THSD4: variants seen among roughly 807,000 people sequenced by gnomAD.
THSD4 encodes the protein thrombospondin type-1 domain-containing protein 4.
In THSD4, 69 loss-of-function variants were observed where a neutral mutation model predicts 119.0. That is an observed-to-expected ratio of 0.58 (90% CI 0.48 to 0.71). THSD4 has a LOEUF of 0.71. Ranked by LOEUF, THSD4 falls within the 30% of genes least tolerant of loss-of-function variation. THSD4 has a pLI of 0.00. For synonymous variants in THSD4, 524 were observed against 540.4 expected (o/e 0.97, Z 0.42); for missense variants, 1,393 against 1,391.1 (o/e 1.00, Z -0.02).
intron 3 of THSD4, among the ~76,000 whole-genome samples, chr15:71,189,398 C>T (rs1486592143): frequency 2.0e-5 from 3 of 152,192 alleles, no homozygotes; most frequent in Non-Finnish European, 4.4e-5. Flanking sequence ...TGGCTGGGTG[C>T]GGTGGCTCAC....
At chr15:71,578,680 G>A (rs774769927) in intron 7 of THSD4, among the ~76,000 whole-genome samples, 60 of 151,936 alleles carry the variant, frequency 3.9e-4, no homozygotes, top group Non-Finnish European at 7.6e-4. Context: ...GGCCTACGAC[G>A]AGCAGGTAAA....
At chr15:71,749,687 A>AT (rs58835760) in intron 14 of THSD4, among the ~76,000 whole-genome samples, 1,177 of 67,174 alleles carry the variant, frequency 0.018, 26 homozygotes, top group East Asian at 0.11. Flanking sequence ...ATATTTTTAT[A>AT]TTTTTAAATT....
intron 7 of THSD4, among the ~76,000 whole-genome samples, chr15:71,453,683 A>G (rs1448619663): frequency 6.6e-6 from 1 of 152,162 alleles, no homozygotes; most frequent in African/African-American, 2.4e-5. Context: ...TGTTCCCTGG[A>G]GGTATTGTAT....
chr15:71,676,823 A>G (rs1287189607), intron 8 of THSD4, among the ~76,000 whole-genome samples: 2 of 152,160 alleles, frequency 1.3e-5, no homozygotes, highest in Non-Finnish European at 1.5e-5. Flanking sequence ...TTTTATGTAT[A>G]TGCCACATTT....
chr15:71,138,497 C>G (rs2040570932), intron 1 of THSD4, among the ~76,000 whole-genome samples: 1 of 152,148 alleles, frequency 6.6e-6, no homozygotes, highest in Non-Finnish European at 1.5e-5. Context: ...TCTTTGACAC[C>G]TCTCTTTCTC....
intron 7 of THSD4, among the ~76,000 whole-genome samples, chr15:71,575,210 A>G (rs2049427539): frequency 6.6e-6 from 1 of 152,270 alleles, no homozygotes; most frequent in Middle Eastern, 3.4e-3. Flanking sequence ...TTAGGAAGCC[A>G]ATGGATTTCT....
chr15:71,504,310 T>G (rs186706819), intron 7 of THSD4, among the ~76,000 whole-genome samples: 2 of 152,156 alleles, frequency 1.3e-5, no homozygotes, highest in African/African-American at 4.8e-5. Flanking sequence ...AGGGAATGAA[T>G]GAATGTGTGC....
intron 7 of THSD4, among the ~76,000 whole-genome samples, chr15:71,501,762 A>T (rs151064265): frequency 6.6e-6 from 1 of 152,158 alleles, no homozygotes; most frequent in Non-Finnish European, 1.5e-5. Context: ...TGACCTCTCA[A>T]TTGTTTTCTA....
chr15:71,440,729 C>T (rs1301385438), intron 7 of THSD4, among the ~76,000 whole-genome samples: 1 of 152,064 alleles, frequency 6.6e-6, no homozygotes, highest in Non-Finnish European at 1.5e-5. Flanking sequence ...ATAGGGAAAC[C>T]AGCATAAATT....
At chr15:71,372,775 A>G (rs1177299747) in intron 6 of THSD4, among the ~76,000 whole-genome samples, 10 of 152,244 alleles carry the variant, frequency 6.6e-5, no homozygotes, top group Non-Finnish European at 5.9e-5. Flanking sequence ...CAAACTCCGT[A>G]CTAGGAGAAC....
intron 7 of THSD4, among the ~76,000 whole-genome samples, chr15:71,483,645 T>G (rs955118988): frequency 5.3e-5 from 8 of 152,210 alleles, no homozygotes; most frequent in African/African-American, 1.9e-4. Flanking sequence ...GTTTGTTACA[T>G]AGGTAAATGT....
Position 71,195,502 on chromosome 15 carries a change from C to T in THSD4, c.100-19533C>T, listed in dbSNP as rs564022970. Reference sequence around the variant, plus strand: ...ATACCAAGTGGACCCCTCTAGGGGGCACAGAAGGAATTTGTGTTTGTAGAT... The same window carrying T: ...ATACCAAGTGGACCCCTCTAGGGGGTACAGAAGGAATTTGTGTTTGTAGAT... On this transcript the variant is annotated intron_variant, in intron 3 of 17. Coordinates refer to ENST00000261862, the MANE Select transcript of THSD4 (RefSeq NM_024817.3). 2.0e-5 allele frequency among the ~76,000 whole-genome samples: 3 copies of T among 152,170 alleles called. No individual in the cohort carries two copies. The East Asian group carries it at 5.8e-4, about 29-fold the overall frequency.
chr15:71,765,171 C>T lies in THSD4; in HGVS notation c.2741C>T (p.Ala914Val). 1 of 1,614,144 alleles carries T rather than the reference C, an allele frequency of 6.2e-7. No individual in the cohort carries two copies. The highest frequency in any genetic ancestry group is 1.1e-5 in the South Asian group (1 of 91,070). ...QQSCHLKPCG[A>V]KWFSTEWSMC... ...TCCTGCCACCTCAAGCCTTGCGGAGCCAAATGGTTTAGCACCGAATGGAGC... is the reference window on the plus strand; with the variant it reads ...TCCTGCCACCTCAAGCCTTGCGGAGTCAAATGGTTTAGCACCGAATGGAGC... Residue 914 changes from alanine (A) to valine (V), a missense_variant, in exon 16 of 18, where the codon GCC becomes GTC. Coordinates refer to ENST00000261862, the MANE Select transcript of THSD4 (RefSeq NM_024817.3).
intron 7 of THSD4, among the ~76,000 whole-genome samples, chr15:71,462,831 C>T: frequency 6.6e-6 from 1 of 152,246 alleles, no homozygotes; most frequent in East Asian, 1.9e-4. Context: ...GGTATCCATT[C>T]ATTTGTGTGA....
intron 6 of THSD4, among the ~76,000 whole-genome samples, chr15:71,346,730 C>G (rs2045665905): frequency 6.6e-6 from 1 of 152,128 alleles, no homozygotes; most frequent in Non-Finnish European, 1.5e-5. Flanking sequence ...TGCAGTCAAA[C>G]AGAGCTGGGC....
intron 4 of THSD4, among the ~76,000 whole-genome samples, chr15:71,220,632 C>T (rs780041971): frequency 4.6e-5 from 7 of 152,116 alleles, no homozygotes; most frequent in South Asian, 2.1e-4. Context: ...TCAAAGTGAA[C>T]GCTGTAACTC....
chr15:71,522,001 G>A (rs1016638917), intron 7 of THSD4, among the ~76,000 whole-genome samples: 1 of 152,184 alleles, frequency 6.6e-6, no homozygotes, highest in African/African-American at 2.4e-5. Context: ...TTGAAAGTTA[G>A]AGCCCTAATG....
intron 6 of THSD4, among the ~76,000 whole-genome samples, chr15:71,391,286 C>T (rs1419384522): frequency 3.3e-5 from 5 of 152,140 alleles, no homozygotes; most frequent in Non-Finnish European, 7.4e-5. Flanking sequence ...GCCTCGGCCT[C>T]TCAAAGTGCT....
At chr15:71,353,045 A>G (rs1376045074) in intron 6 of THSD4, among the ~76,000 whole-genome samples, 1 of 152,142 alleles carries the variant, frequency 6.6e-6, no homozygotes, top group Non-Finnish European at 1.5e-5. Context: ...GCAGGCGATA[A>G]CTCACATTCA....
Sources: gnomAD v4.1 joint callset for allele counts (sites outside exome capture counted in the v4.1 genomes callset) on GRCh38, gnomAD v4.1.1 for gene constraint, MANE v1.5 for transcripts, NCBI Gene and HGNC (gene_info 2026-07-23, HGNC 2026-07-21) for gene names.